NCALD: variants seen among roughly 807,000 people sequenced by gnomAD.
NCALD encodes the protein neurocalcin delta.
NCALD carries 10 observed loss-of-function variants against 18.6 expected under a neutral mutation model. That is an observed-to-expected ratio of 0.54 (90% CI 0.33 to 0.91). The LOEUF is 0.91. NCALD is among the 40% of genes least tolerant of loss of function. The probability of loss-of-function intolerance (pLI) is 0.03; values close to 1 mark genes in which losing one functional copy is unlikely to be tolerated. For missense variants in NCALD, 184 were observed against 247.6 expected, an observed-to-expected ratio of 0.74 and a Z score of 1.72; for synonymous variants, 88 against 87.4, an observed-to-expected ratio of 1.01 and a Z score of -0.04.
At chr8:101,904,736 A>G (rs1300210797) in intron 3 of NCALD, among the ~76,000 whole-genome samples, 5 of 152,102 alleles carry the variant, frequency 3.3e-5, no homozygotes, top group African/African-American at 9.7e-5. Flanking sequence ...TACTCCAACT[A>G]TTGCAGCCAG....
intron 1 of NCALD, among the ~76,000 whole-genome samples, chr8:101,787,274 T>G (rs1047548535): frequency 1.3e-5 from 2 of 152,186 alleles, no homozygotes; most frequent in African/African-American, 2.4e-5. Context: ...TGCTAGAGAC[T>G]CAAAGCTCCC....
chr8:101,762,000 C>T (rs1041402005), intron 1 of NCALD, among the ~76,000 whole-genome samples: 1 of 152,130 alleles, frequency 6.6e-6, no homozygotes, highest in Non-Finnish European at 1.5e-5. Context: ...GAGTTGGGCC[C>T]CTAATGACCT....
chr8:101,925,361 GTGCT>G (rs1229713718), intron 2 of NCALD, among the ~76,000 whole-genome samples: 2 of 151,826 alleles, frequency 1.3e-5, no homozygotes. Context: ...GTACTTTAAG[GTGCT>G]CACTTCAGAA....
Position 101,815,522 on chromosome 8 carries a change from T to C in NCALD, c.-20+71619A>G, listed in dbSNP as rs76541779. 4.7e-4 allele frequency among the ~76,000 whole-genome samples: 72 copies of C among 152,252 alleles called. 1 individual carries two copies. The East Asian group carries it at 0.013, about 28-fold the overall frequency. The stretch of plus-strand genomic sequence containing the variant: ...TTAACAGATATCTCACCAAACAAGA[T>C]ATGCAGACGGCAAGTAATCATATGA... On this transcript the variant is annotated intron_variant, in intron 4 of 6. Transcript: ENST00000311028.
intron 1 of NCALD, among the ~76,000 whole-genome samples, chr8:102,078,551 A>T (rs1824422818): frequency 6.6e-6 from 1 of 152,132 alleles, no homozygotes; most frequent in South Asian, 2.1e-4. Flanking sequence ...CTCAAATCCC[A>T]CTACTCACCC....
At chr8:101,827,805 C>T (rs925467285) in intron 4 of NCALD, among the ~76,000 whole-genome samples, 1 of 152,232 alleles carries the variant, frequency 6.6e-6, no homozygotes, top group African/African-American at 2.4e-5. Flanking sequence ...AACCCACAAT[C>T]AACCACTGAT....
In NCALD at chr8:101,895,042, C is replaced by T. The variant is rs556673085; in HGVS notation, c.-106-7815G>A. Among the ~76,000 whole-genome samples the T allele has an allele frequency of 4.7e-5, 7 of 150,160 alleles. No individual in the cohort carries two copies. The East Asian group carries it at 7.7e-4, about 17-fold the overall frequency. On this transcript the variant is annotated intron_variant, in intron 3 of 6. Coordinates refer to the NCALD transcript ENST00000311028. ...GCCAGCATCATTCTGATACCAAAGC[C>T]GGGCAGAGACACAACCAAAAAAGAG...
In NCALD at chr8:101,983,144, G is replaced by A. The variant is rs144293473; in HGVS notation, c.-157+37093C>T. ...GTCTCAGAACTGTCCTCCCTTTTGA[G>A]CACATTTATCACAGAAGTTCATCTA... On this transcript the variant is annotated intron_variant, in intron 2 of 6. Coordinates refer to the NCALD transcript ENST00000311028. Among the ~76,000 whole-genome samples the A allele has an allele frequency of 3.9e-3, 597 of 152,244 alleles. 5 individuals carry two copies. Among genetic ancestry groups the A allele is most frequent in the African/African-American group, 0.013 (549 of 41,542 alleles).
chr8:101,977,396 A>T (rs1820463031), intron 2 of NCALD, among the ~76,000 whole-genome samples: 1 of 152,140 alleles, frequency 6.6e-6, no homozygotes, highest in Non-Finnish European at 1.5e-5. Context: ...GAGAATTGGG[A>T]GATTTTTTTC....
chr8:102,060,284 A>G (rs144011510), intron 1 of NCALD, among the ~76,000 whole-genome samples: 66 of 152,268 alleles, frequency 4.3e-4, no homozygotes, highest in African/African-American at 1.5e-3. Context: ...CCCGGCCTGA[A>G]GTTGTATTTC....
At chr8:101,963,838 G>A (rs996389426) in intron 2 of NCALD, among the ~76,000 whole-genome samples, 7 of 152,020 alleles carry the variant, frequency 4.6e-5, no homozygotes, top group Admixed American at 3.3e-4. Flanking sequence ...TTACTAAGAA[G>A]TCAATCATGA....
intron 2 of NCALD, among the ~76,000 whole-genome samples, chr8:101,924,156 A>G (rs1818260637): frequency 6.6e-6 from 1 of 152,166 alleles, no homozygotes; most frequent in Non-Finnish European, 1.5e-5. Flanking sequence ...TGGAGATATG[A>G]AACTCTGAGA....
At chr8:101,901,462 T>C (rs1367634461) in intron 3 of NCALD, among the ~76,000 whole-genome samples, 1 of 152,084 alleles carries the variant, frequency 6.6e-6, no homozygotes, top group Non-Finnish European at 1.5e-5. Flanking sequence ...TTATTGTGGG[T>C]ATTTAGGACT....
At chr8:101,736,307 T>G (rs762830163) in intron 1 of NCALD, among the ~76,000 whole-genome samples, 1 of 152,202 alleles carries the variant, frequency 6.6e-6, no homozygotes, top group East Asian at 1.9e-4. Flanking sequence ...AAATTTTGGA[T>G]AGTGGTCCAT....
chr8:102,031,816 T>C (rs1252576678), intron 1 of NCALD, among the ~76,000 whole-genome samples: 2 of 152,146 alleles, frequency 1.3e-5, no homozygotes, highest in African/African-American at 2.4e-5. Flanking sequence ...AGGAAAGATG[T>C]TCATTAATCA....
intron 2 of NCALD, among the ~76,000 whole-genome samples, chr8:101,714,110 CT>C (rs1227483183): frequency 1.3e-5 from 2 of 152,176 alleles, no homozygotes; most frequent in Non-Finnish European, 2.9e-5. Flanking sequence ...CTCACCATTC[CT>C]GTTCAACATA....
intron 1 of NCALD, among the ~76,000 whole-genome samples, chr8:101,770,665 A>G (rs1322815494): frequency 6.6e-6 from 1 of 152,206 alleles, no homozygotes; most frequent in Non-Finnish European, 1.5e-5. Context: ...CACACTTGGC[A>G]AGTAGCACAG....
chr8:101,734,159 G>T (rs1191507229), intron 1 of NCALD, among the ~76,000 whole-genome samples: 3 of 152,132 alleles, frequency 2.0e-5, no homozygotes, highest in Non-Finnish European at 4.4e-5. Flanking sequence ...CTCTGCCTCT[G>T]CTCCATCAGA....
intron 1 of NCALD, among the ~76,000 whole-genome samples, chr8:102,099,733 CAGG>C (rs2132407326): frequency 6.6e-6 from 1 of 152,072 alleles, no homozygotes; most frequent in African/African-American, 2.4e-5. Flanking sequence ...TGCCTGAGGT[CAGG>C]AGTTTGAGAC....
Sources: allele counts gnomAD v4.1 joint callset (sites outside exome capture counted in the v4.1 genomes callset), GRCh38; gene constraint gnomAD v4.1.1; transcripts MANE v1.5; gene names NCBI Gene and HGNC (gene_info 2026-07-23, HGNC 2026-07-21).